SDK2: variants seen among roughly 807,000 people sequenced by gnomAD.
SDK2 encodes protein sidekick-2.
Under a neutral mutation model 253.9 loss-of-function variants are expected in SDK2, and 105 were observed. That is an observed-to-expected ratio of 0.41 (90% confidence interval 0.35 to 0.49). SDK2 has a LOEUF of 0.49. Among genes scored for constraint, SDK2 ranks in the 20% least tolerant of loss-of-function variants. The pLI is 0.06. For missense variants in SDK2, 2,608 were observed against 3,003.0 expected (o/e 0.87, Z 3.07); for synonymous variants, 1,249 against 1,234.9 (o/e 1.01, Z -0.24).
At chr17:73,588,197 A>ACCCCCCCCCCCCCCC (rs57740393) in intron 1 of SDK2, among the ~76,000 whole-genome samples, 5 of 130,858 alleles carry the variant, frequency 3.8e-5, no homozygotes, top group African/African-American at 8.6e-5. Context: ...ACATGGAGAG[A>ACCCCCCCCCCCCCCC]CCCCCCCCCC....
chr17:73,553,818 C>A (rs2045101744), intron 1 of SDK2, among the ~76,000 whole-genome samples: 1 of 152,190 alleles, frequency 6.6e-6, no homozygotes, highest in African/African-American at 2.4e-5. Context: ...TCCCTTCAGG[C>A]TTTTTGGGCA....
intron 39 of SDK2, among the ~76,000 whole-genome samples, chr17:73,359,452 C>T (rs1184925219): frequency 6.6e-6 from 1 of 152,178 alleles, no homozygotes; most frequent in Non-Finnish European, 1.5e-5. Context: ...GGGGTGGACA[C>T]GCCTGAGGGA....
intron 24 of SDK2, among the ~76,000 whole-genome samples, chr17:73,396,200 CAGAAA>C (rs2062969698): frequency 6.6e-6 from 1 of 152,186 alleles, no homozygotes; most frequent in South Asian, 2.1e-4. Context: ...TTGAGTCTCA[CAGAAA>C]AGAAAAGTCA....
rs1212811536 is a variant in SDK2 at position 73,447,999 on chromosome 17, G to C, written c.480-251C>G. Among the ~76,000 whole-genome samples, 1 of 152,028 alleles carries C rather than the reference G, an allele frequency of 6.6e-6. No individual in the cohort carries two copies. Among genetic ancestry groups the C allele is most frequent in the Non-Finnish European group, 1.5e-5 (1 of 68,004 alleles). ...GACAGCACGTTCATGCCCAGACGCC[G>C]AGGCCACCCAAAGGAAGCTTCCCTG... is the stretch of plus-strand genomic sequence containing the variant. On this transcript the variant is annotated intron_variant, in intron 4 of 44. Transcript: ENST00000392650. The surrounding 1 kb of genome is among the most constrained non-coding windows in gnomAD (Gnocchi z 4.0).
chr17:73,459,527 A>G (rs2063550278), intron 3 of SDK2, among the ~76,000 whole-genome samples: 1 of 152,210 alleles, frequency 6.6e-6, no homozygotes, highest in African/African-American at 2.4e-5. Flanking sequence ...AGCATCCTGG[A>G]AGGATGTAGT....
intron 4 of SDK2, among the ~76,000 whole-genome samples, chr17:73,454,099 G>A (rs2063506695): frequency 6.6e-6 from 1 of 152,188 alleles, no homozygotes; most frequent in African/African-American, 2.4e-5. Flanking sequence ...TAGGAGCAAT[G>A]GACTACACCA....
intron 36 of SDK2, among the ~76,000 whole-genome samples, chr17:73,369,967 T>G (rs1252521403): frequency 2.0e-5 from 3 of 152,130 alleles, no homozygotes; most frequent in African/African-American, 7.2e-5. Context: ...ATTTCCTCTG[T>G]AGCACAGGTT....
rs755716815 is a variant in SDK2, at chr17:73,398,105, G to T, written c.3284C>A (p.Pro1095His). Residue 1095 changes from proline to histidine, a missense_variant, in exon 24 of 45, where the codon CCC becomes CAC. By Grantham distance (77) the Pro-to-His change is moderately conservative. Transcript: ENST00000392650. ...CACATTGGCTGGGGCCATGTCAGGGGGTGCCTGCAGGGTCTGGATCTTTCT... is the reference window on the plus strand; with the variant it reads ...CACATTGGCTGGGGCCATGTCAGGGTGTGCCTGCAGGGTCTGGATCTTTCT... ...PSRKIQTLQA[P>H]PDMAPANVSL... The T allele has an allele frequency of 6.2e-7, 1 of 1,613,760 alleles. No individual in the cohort carries two copies. Among genetic ancestry groups the T allele is most frequent in the Non-Finnish European group, 8.5e-7 (1 of 1,179,882 alleles).
intron 1 of SDK2, among the ~76,000 whole-genome samples, chr17:73,564,422 T>C (rs1185185609): frequency 6.6e-6 from 1 of 152,198 alleles, no homozygotes; most frequent in African/African-American, 2.4e-5. Context: ...TCTGAGCCCC[T>C]GGGCTGTGTC....
In SDK2 at chr17:73,618,621, G is replaced by A. The variant is rs566106161; in HGVS notation, c.64+25404C>T. The stretch of plus-strand genomic sequence containing the variant: ...TTTCCCTTTGGAATCTAGAGTCCAC[G>A]TGGTGCCCAAGAACGGCATGGGGGA... On this transcript the variant is annotated intron_variant, in intron 1 of 44. Transcript: ENST00000392650. This position sits in a 1 kb window ranked among gnomAD's most constrained non-coding sequence, Gnocchi z 4.1. 2.4e-4 allele frequency among the ~76,000 whole-genome samples: 37 copies of A among 152,206 alleles called. No homozygotes were observed. The highest frequency in any genetic ancestry group is 1.3e-4 in the Admixed American group (2 of 15,276).
At chr17:73,389,477 C>A (rs1261932576) in intron 29 of SDK2, among the ~76,000 whole-genome samples, 1 of 152,156 alleles carries the variant, frequency 6.6e-6, no homozygotes, top group Non-Finnish European at 1.5e-5. Context: ...AGCCACCATG[C>A]CCGGCCTATA....
intron 8 of SDK2, among the ~76,000 whole-genome samples, chr17:73,436,688 C>T (rs1415563997): frequency 2.0e-5 from 3 of 152,008 alleles, no homozygotes; most frequent in Admixed American, 6.6e-5. Context: ...CTTCCCTTCC[C>T]GGCACCCTTT....
intron 18 of SDK2, 97 bp from the exon 19 acceptor site, chr17:73,402,238 G>C: frequency 7.7e-7 from 1 of 1,301,400 alleles, no homozygotes; most frequent in Non-Finnish European, 1.1e-6. Flanking sequence ...GATGGTGTCC[G>C]GGGACCGGAG....
intron 1 of SDK2, among the ~76,000 whole-genome samples, chr17:73,598,352 C>T (rs923212095): frequency 1.8e-4 from 27 of 152,208 alleles, no homozygotes; most frequent in African/African-American, 6.0e-4. Flanking sequence ...CCTGTGCGGG[C>T]TCATGCAGGG....
intron 1 of SDK2, among the ~76,000 whole-genome samples, chr17:73,577,487 G>A (rs1386099014): frequency 6.6e-6 from 1 of 152,160 alleles, no homozygotes; most frequent in African/African-American, 2.4e-5. Context: ...CAGCTGGTGT[G>A]GAGAGTGGAG....
rs563600339 is a variant in SDK2, at chr17:73,435,147, T to C, written c.1195+303A>G. Among the ~76,000 whole-genome samples the C allele has an allele frequency of 6.6e-6, 1 of 152,354 alleles. No individual in the cohort carries two copies. Among genetic ancestry groups the C allele is most frequent in the Non-Finnish European group, 1.5e-5 (1 of 68,042 alleles). On this transcript the variant is annotated intron_variant, in intron 9 of 44. Transcript: ENST00000392650. The surrounding 1 kb of genome is among the most constrained non-coding windows in gnomAD (Gnocchi z 5.7). ...CCAGGGATAGTCGCAGTGCCAGAGC[T>C]GGTACCCGTGGTTGGTTTCATAGCT... is the stretch of plus-strand genomic sequence containing the variant.
At chr17:73,590,523 A>G (rs2045666306) in intron 1 of SDK2, among the ~76,000 whole-genome samples, 1 of 152,202 alleles carries the variant, frequency 6.6e-6, no homozygotes, top group African/African-American at 2.4e-5. Context: ...GTAGTCTTTA[A>G]CAGGGCACAC....
chr17:73,412,155 TATATATGTATATACAC>T lies in SDK2; in HGVS notation c.2484+2473_2484+2488del, dbSNP rs1568389677. Among the ~76,000 whole-genome samples, 521 of 91,700 alleles carry T rather than the reference TATATATGTATATACAC, an allele frequency of 5.7e-3. 8 individuals are homozygous for T. Among genetic ancestry groups the T allele is most frequent in the African/African-American group, 0.026 (493 of 19,090 alleles). The allele number at this position is 91,700 out of a possible 152,430, so 60.2% of individuals were successfully genotyped here. ...GTGTATGTGTATATGTATATATACGTATATATGTATATACACATATATGTATATGCACATACACACA... is the reference window on the plus strand; with the variant it reads ...GTGTATGTGTATATGTATATATACGTATATATGTATATGCACATACACACA... On this transcript the variant is annotated intron_variant, in intron 18 of 44. Transcript: ENST00000392650.
chr17:73,403,766 C>T (rs907342782), intron 18 of SDK2, among the ~76,000 whole-genome samples: 1 of 152,062 alleles, frequency 6.6e-6, no homozygotes. Flanking sequence ...ACTAATTAGA[C>T]CCTCAAAATA....
Sources: allele counts gnomAD v4.1 joint callset (sites outside exome capture counted in the v4.1 genomes callset), GRCh38; gene constraint gnomAD v4.1.1; non-coding constraint Gnocchi (gnomAD v3.1); transcripts MANE v1.5; gene names NCBI Gene and HGNC (gene_info 2026-07-23, HGNC 2026-07-21).